ZNF804B: variants seen among roughly 807,000 people sequenced by gnomAD.
ZNF804B encodes the protein zinc finger protein 804B.
In ZNF804B, 80 loss-of-function variants were observed where a neutral mutation model predicts 101.4. The observed-to-expected ratio is 0.79, with a 90% CI of 0.66 to 0.95. The LOEUF (loss-of-function observed/expected upper bound fraction) is 0.95, where lower values mean the gene tolerates loss of function less well. Ranked by LOEUF, ZNF804B falls within the 40% of genes least tolerant of loss-of-function variation. ZNF804B has a pLI of 0.00. For synonymous variants in ZNF804B, 622 were observed against 558.8 expected (o/e 1.11, Z -1.59); for missense variants, 1,673 against 1,561.9 (o/e 1.07, Z -1.20).
At chr7:88,877,025 TAATATATATATATATATATA>T (rs1791956245) in intron 1 of ZNF804B, among the ~76,000 whole-genome samples, 10 of 59,264 alleles carry the variant, frequency 1.7e-4, no homozygotes, top group Admixed American at 2.2e-4. Flanking sequence ...TATATATATA[TAATATATATATATATATATA>T]TATATTTTTT....
At chr7:89,148,227 A>T (rs1372583524) in intron 1 of ZNF804B, among the ~76,000 whole-genome samples, 1 of 152,102 alleles carries the variant, frequency 6.6e-6, no homozygotes, top group Non-Finnish European at 1.5e-5. Context: ...TAGGATTGTT[A>T]TATATGGTTA....
At chr7:88,997,626 A>G (rs1788219322) in intron 1 of ZNF804B, among the ~76,000 whole-genome samples, 1 of 152,060 alleles carries the variant, frequency 6.6e-6, no homozygotes. Flanking sequence ...TGTCATTTCT[A>G]CTGGCAGGGG....
chr7:89,208,560 A>G (rs1201810216), intron 1 of ZNF804B, among the ~76,000 whole-genome samples: 2 of 151,904 alleles, frequency 1.3e-5, no homozygotes, highest in Non-Finnish European at 2.9e-5. Context: ...AGCTGCTGTT[A>G]TGATTATCTT....
intron 2 of ZNF804B, among the ~76,000 whole-genome samples, chr7:89,275,298 G>T (rs1438383672): frequency 6.6e-6 from 1 of 151,904 alleles, no homozygotes; most frequent in Non-Finnish European, 1.5e-5. Flanking sequence ...TTAACACCCA[G>T]AAATACTGTA....
intron 1 of ZNF804B, among the ~76,000 whole-genome samples, chr7:88,962,708 C>CATATATATATATATATATATATAT (rs71120046): frequency 2.4e-5 from 2 of 84,188 alleles, no homozygotes; most frequent in African/African-American, 4.1e-5. Flanking sequence ...GTTAAACTCA[C>CATATATATATATATATATATATAT]ATATATATAT....
At chr7:89,197,173 T>G (rs1177000154) in intron 1 of ZNF804B, among the ~76,000 whole-genome samples, 1 of 151,836 alleles carries the variant, frequency 6.6e-6, no homozygotes, top group Admixed American at 6.6e-5. Flanking sequence ...TATGTAACAA[T>G]CCTGCACATC....
chr7:88,779,572 A>G (rs1790193289), intron 1 of ZNF804B, among the ~76,000 whole-genome samples: 1 of 152,122 alleles, frequency 6.6e-6, no homozygotes, highest in South Asian at 2.1e-4. Flanking sequence ...GTGTTGTCAT[A>G]TTTAATCCTT....
intron 1 of ZNF804B, among the ~76,000 whole-genome samples, chr7:88,946,554 CTTTT>C (rs202172425): frequency 7.8e-6 from 1 of 128,110 alleles, no homozygotes; most frequent in Non-Finnish European, 1.7e-5. Flanking sequence ...CTGAAATTTT[CTTTT>C]TTTTTTTTTT....
intron 1 of ZNF804B, among the ~76,000 whole-genome samples, chr7:88,918,929 T>A (rs899149312): frequency 1.3e-5 from 2 of 152,120 alleles, no homozygotes; most frequent in African/African-American, 4.8e-5. Context: ...GGAATATGTG[T>A]CCTTCATCAG....
chr7:88,781,071 T>A (rs751469552), intron 1 of ZNF804B, among the ~76,000 whole-genome samples: 2 of 152,160 alleles, frequency 1.3e-5, no homozygotes, highest in Non-Finnish European at 2.9e-5. Flanking sequence ...CAAAACCCCA[T>A]AAAAGCGACA....
chr7:89,057,073 C>CTGGAATTTG lies in ZNF804B; in HGVS notation c.109-161081_109-161073dup, dbSNP rs144115037. On this transcript the variant is annotated intron_variant, in intron 1 of 3. Transcript: ENST00000333190. ...TCTGAGGGGGTCCTCCAACTTGTTGCTGGAATTTGGAGTCCAAAAAACATC... is the reference window on the plus strand; with the variant it reads ...TCTGAGGGGGTCCTCCAACTTGTTGCTGGAATTTGTGGAATTTGGAGTCCAAAAAACATC... 7.4e-3 allele frequency among the ~76,000 whole-genome samples: 1,129 copies of CTGGAATTTG among 152,170 alleles called. 11 individuals carry two copies. Among genetic ancestry groups the CTGGAATTTG allele is most frequent in the Non-Finnish European group, 8.2e-3 (556 of 67,988 alleles).
chr7:88,832,888 A>G (rs1201395692), intron 1 of ZNF804B, among the ~76,000 whole-genome samples: 1 of 151,936 alleles, frequency 6.6e-6, no homozygotes, highest in African/African-American at 2.4e-5. Context: ...AGCCACATTG[A>G]AAAAAGCATA....
chr7:89,333,357 T>C lies in ZNF804B; in HGVS notation c.381-6T>C. On this transcript the variant is annotated splice_polypyrimidine_tract_variant and splice_region_variant and intron_variant, in intron 3 of 3. Coordinates refer to ENST00000333190, the MANE Select transcript of ZNF804B (RefSeq NM_181646.5). The stretch of plus-strand genomic sequence containing the variant: ...TTAATCATTTAAATATTTATTGTAT[T>C]TACAGTGTTTCTGGAAATGGACCAG... The C allele has an allele frequency of 1.3e-6, 2 of 1,574,482 alleles. No individual in the cohort carries two copies. Among genetic ancestry groups the C allele is most frequent in the Non-Finnish European group, 1.7e-6 (2 of 1,164,752 alleles).
intron 1 of ZNF804B, among the ~76,000 whole-genome samples, chr7:88,768,456 G>A (rs1052552595): frequency 1.3e-5 from 2 of 152,150 alleles, no homozygotes; most frequent in East Asian, 1.9e-4. Flanking sequence ...AGTGGCTCAC[G>A]CCTTTAATCC....
chr7:88,888,800 C>A (rs974199189), intron 1 of ZNF804B, among the ~76,000 whole-genome samples: 2 of 151,806 alleles, frequency 1.3e-5, no homozygotes, highest in African/African-American at 2.4e-5. Context: ...TTTTTAACTT[C>A]AACTTTTGTT....
intron 1 of ZNF804B, among the ~76,000 whole-genome samples, chr7:88,921,895 A>G (rs535477979): frequency 8.6e-4 from 131 of 152,102 alleles, no homozygotes; most frequent in Non-Finnish European, 1.4e-3. Context: ...GTTAATTTCT[A>G]CTGATATATA....
At chr7:89,281,734 T>C (rs1790098716) in intron 2 of ZNF804B, among the ~76,000 whole-genome samples, 1 of 152,154 alleles carries the variant, frequency 6.6e-6, no homozygotes, top group Non-Finnish European at 1.5e-5. Context: ...AGTGTAGTGG[T>C]TGGATCATTG....
chr7:89,280,866 A>G (rs113506792), intron 2 of ZNF804B, among the ~76,000 whole-genome samples: 1,570 of 152,298 alleles, frequency 0.01, 31 homozygotes, highest in African/African-American at 0.036. Context: ...AACTATTCCA[A>G]TCAATAGAAA....
intron 3 of ZNF804B, among the ~76,000 whole-genome samples, chr7:89,329,034 T>C (rs1179341830): frequency 6.6e-6 from 1 of 151,598 alleles, no homozygotes; most frequent in Non-Finnish European, 1.5e-5. Context: ...ATTTAGAAGT[T>C]CCAAGTTTGC....
Sources: allele counts gnomAD v4.1 joint callset (sites outside exome capture counted in the v4.1 genomes callset), GRCh38; gene constraint gnomAD v4.1.1; transcripts MANE v1.5; gene names NCBI Gene and HGNC (gene_info 2026-07-23, HGNC 2026-07-21).